RGS6: variants seen among roughly 807,000 people sequenced by gnomAD.
RGS6 encodes regulator of G protein signaling 6.
Under a neutral mutation model 78.5 loss-of-function variants are expected in RGS6, and 30 were observed. The observed-to-expected ratio is 0.38, with a 90% CI of 0.29 to 0.52. The LOEUF is 0.52. Ranked by LOEUF, RGS6 falls within the 20% of genes least tolerant of loss-of-function variation. The probability of loss-of-function intolerance (pLI) is 0.85; values close to 1 mark genes in which losing one functional copy is unlikely to be tolerated. For missense variants in RGS6, 495 were observed against 609.7 expected, an observed-to-expected ratio of 0.81 and a Z score of 1.98; for synonymous variants, 206 against 206.0, an observed-to-expected ratio of 1.00 and a Z score of 0.00.
chr14:71,988,384 G>A (rs2153171319), intron 2 of RGS6, among the ~76,000 whole-genome samples: 1 of 152,264 alleles, frequency 6.6e-6, no homozygotes, highest in African/African-American at 2.4e-5. Flanking sequence ...CTGTCCCCAT[G>A]CCTTTGATCC....
chr14:72,289,606 T>C (rs1008505430), intron 2 of RGS6, among the ~76,000 whole-genome samples: 3 of 152,190 alleles, frequency 2.0e-5, no homozygotes, highest in Admixed American at 2.0e-4. Flanking sequence ...AGGTAGTTAC[T>C]ACTACCTTTT....
chr14:72,425,141 G>A (rs1359430668), intron 3 of RGS6, among the ~76,000 whole-genome samples: 1 of 152,104 alleles, frequency 6.6e-6, no homozygotes, highest in African/African-American at 2.4e-5. Context: ...ATTGGAAGGG[G>A]AAAATCTTTT....
At chr14:71,911,544 T>G in the RGS6 span, among the ~76,000 whole-genome samples, 2 of 152,216 alleles carry the variant, frequency 1.3e-5, no homozygotes, top group East Asian at 3.9e-4. Flanking sequence ...AGGCAAATCC[T>G]AACACCAGTG....
At chr14:72,549,767 C>T (rs2097474084) in intron 17 of RGS6, among the ~76,000 whole-genome samples, 1 of 152,184 alleles carries the variant, frequency 6.6e-6, no homozygotes, top group African/African-American at 2.4e-5. Context: ...GAGGCTGAGG[C>T]AGGAGGATCA....
At chr14:72,297,432 T>TTATTA (rs1567692494) in intron 2 of RGS6, among the ~76,000 whole-genome samples, 1 of 142,588 alleles carries the variant, frequency 7.0e-6, no homozygotes, top group African/African-American at 2.9e-5. Context: ...TATTATTATT[T>TTATTA]TTTTTTTATA....
At chr14:71,898,634 G>A in the RGS6 span, among the ~76,000 whole-genome samples, 13 of 152,206 alleles carry the variant, frequency 8.5e-5, no homozygotes, top group East Asian at 3.9e-4. Flanking sequence ...CCCCGCATGC[G>A]TTAGGTATTT....
At chr14:72,610,117 G>A in the RGS6 span, among the ~76,000 whole-genome samples, 1 of 152,242 alleles carries the variant, frequency 6.6e-6, no homozygotes, top group Admixed American at 6.5e-5. Flanking sequence ...GGGATAAAAT[G>A]TTGCAGTGGC....
intron 2 of RGS6, among the ~76,000 whole-genome samples, chr14:72,201,029 C>T (rs1283386192): frequency 1.3e-5 from 2 of 151,422 alleles, no homozygotes; most frequent in African/African-American, 2.4e-5. Flanking sequence ...GTAACCACAG[C>T]CTTCTTAGCC....
chr14:72,232,826 G>A (rs749104019), intron 2 of RGS6, among the ~76,000 whole-genome samples: 1 of 152,224 alleles, frequency 6.6e-6, no homozygotes, highest in Non-Finnish European at 1.5e-5. Flanking sequence ...GGGAACAGGT[G>A]CTGGGATGGG....
At chr14:72,624,263 C>G in the RGS6 span, among the ~76,000 whole-genome samples, 1 of 151,290 alleles carries the variant, frequency 6.6e-6, no homozygotes, top group South Asian at 2.1e-4. Context: ...CAGAAAATTA[C>G]CATTGGTGTA....
intron 12 of RGS6, among the ~76,000 whole-genome samples, chr14:72,490,200 T>G (rs1161409777): frequency 6.6e-6 from 1 of 152,204 alleles, no homozygotes; most frequent in African/African-American, 2.4e-5. Flanking sequence ...TGATAGTGAA[T>G]AAGTCTCATG....
chr14:72,500,675 G>A (rs56989014), intron 13 of RGS6, among the ~76,000 whole-genome samples: 24,941 of 152,162 alleles, frequency 0.16, 2,256 homozygotes, highest in African/African-American at 0.24. Flanking sequence ...AAGGCCCTAA[G>A]GGCAGAAGGG....
At chr14:72,295,108 G>A (rs1003500024) in intron 2 of RGS6, among the ~76,000 whole-genome samples, 4 of 151,714 alleles carry the variant, frequency 2.6e-5, no homozygotes, top group South Asian at 2.1e-4. Flanking sequence ...CGGCTAAAAC[G>A]GTGAAACCCC....
At chr14:72,072,165 C>A (rs1338665216) in intron 2 of RGS6, among the ~76,000 whole-genome samples, 1 of 152,156 alleles carries the variant, frequency 6.6e-6, no homozygotes, top group African/African-American at 2.4e-5. Context: ...GAGGAGTGAA[C>A]TAAAGCATGG....
the RGS6 span, among the ~76,000 whole-genome samples, chr14:71,892,990 A>G: frequency 6.6e-6 from 1 of 152,258 alleles, no homozygotes; most frequent in African/African-American, 2.4e-5. Flanking sequence ...AAGGGCATTT[A>G]TCTGTTTTAG....
chr14:72,405,930 T>C (rs1197060550), intron 3 of RGS6, among the ~76,000 whole-genome samples: 2 of 152,344 alleles, frequency 1.3e-5, no homozygotes, highest in East Asian at 1.9e-4. Flanking sequence ...GTGGTCTTCA[T>C]AGAAGATGAC....
chr14:72,567,842 C>T (rs1019544444), downstream of RGS6, among the ~76,000 whole-genome samples: 2 of 152,214 alleles, frequency 1.3e-5, no homozygotes, highest in Non-Finnish European at 2.9e-5. Flanking sequence ...CACAGAAACA[C>T]CCATATGAAC....
chr14:72,508,224 T>C (rs777656328), intron 13 of RGS6, among the ~76,000 whole-genome samples: 7 of 152,168 alleles, frequency 4.6e-5, no homozygotes, highest in Non-Finnish European at 1.0e-4. Context: ...GTCATCATCA[T>C]TGTAATTAGA....
intron 2 of RGS6, among the ~76,000 whole-genome samples, chr14:71,978,232 T>C (rs2094249509): frequency 7.5e-6 from 1 of 133,200 alleles, no homozygotes; most frequent in African/African-American, 2.7e-5. Context: ...ACTTCCTCTT[T>C]TCCTAATTGA....
Sources: allele counts gnomAD v4.1 joint callset (sites outside exome capture counted in the v4.1 genomes callset), GRCh38; gene constraint gnomAD v4.1.1; transcripts MANE v1.5; gene names NCBI Gene and HGNC (gene_info 2026-07-23, HGNC 2026-07-21).